The following RIC3 variants were observed in gnomAD, a reference collection of about 807,000 sequenced individuals.
The protein encoded by RIC3 is RIC3 acetylcholine receptor chaperone.
In RIC3, 28 loss-of-function variants were observed where a neutral mutation model predicts 27.3. The observed-to-expected ratio is 1.02, with a 90% CI of 0.76 to 1.41. The LOEUF (loss-of-function observed/expected upper bound fraction) is 1.41, where lower values mean the gene tolerates loss of function less well. Ranked by LOEUF, RIC3 falls within the 40% of genes most tolerant of loss-of-function variation. The pLI, the probability that RIC3 is intolerant of heterozygous loss-of-function variation, is 0.00. For missense variants in RIC3, 501 were observed against 444.7 expected (o/e 1.13, Z -1.14); for synonymous variants, 184 against 160.4 (o/e 1.15, Z -1.11).
chr11:8,159,994 A>C (rs1040562479), intron 1 of RIC3, among the ~76,000 whole-genome samples: 3 of 152,118 alleles, frequency 2.0e-5, no homozygotes, highest in African/African-American at 7.2e-5. Context: ...AAAAGAGAAA[A>C]CATGCTGATC....
At chr11:8,093,507 C>T in the RIC3 span, among the ~76,000 whole-genome samples, 2 of 152,252 alleles carry the variant, frequency 1.3e-5, no homozygotes, top group East Asian at 3.9e-4. Flanking sequence ...AGCTGGGACC[C>T]TTCTGAGACC....
chr11:8,115,633 C>T (rs956048396), intron 5 of RIC3, among the ~76,000 whole-genome samples: 3 of 152,090 alleles, frequency 2.0e-5, no homozygotes, highest in Non-Finnish European at 4.4e-5. Context: ...CATGGTGAAA[C>T]TCCACCTCTA....
rs560278328 is a variant in RIC3 at position 8,133,314 on chromosome 11, T to C, written c.521+4064A>G. On this transcript the variant is annotated intron_variant, in intron 4 of 5. Coordinates refer to ENST00000309737, the MANE Select transcript of RIC3 (RefSeq NM_001206671.4). ...TCTGTTCTTTATAAATTACCCAGTCTGTGGTATTCAGTTATACCAACAGAA... is the reference window on the plus strand; with the variant it reads ...TCTGTTCTTTATAAATTACCCAGTCCGTGGTATTCAGTTATACCAACAGAA... Among the ~76,000 whole-genome samples, 4 of 152,334 alleles carry C rather than the reference T, an allele frequency of 2.6e-5. No individual in the cohort carries two copies. The South Asian group carries it at 8.3e-4, about 32-fold the overall frequency.
chr11:8,138,218 ATAAAAC>A, intron 3 of RIC3, 48 bp downstream of exon 3: 1 of 1,272,602 alleles, frequency 7.9e-7, no homozygotes, highest in Non-Finnish European at 1.1e-6. Context: ...CCCTGTGGCT[ATAAAAC>A]TGTTTGACTC....
At chr11:8,168,760 G>A (rs1385127449) in intron 1 of RIC3, 106 bp downstream of exon 1, 2 of 1,450,222 alleles carry the variant, frequency 1.4e-6, no homozygotes, top group East Asian at 5.0e-5. Context: ...CAGTTTGGTG[G>A]ATATTTCGGT....
intron 1 of RIC3, among the ~76,000 whole-genome samples, chr11:8,141,597 C>T (rs564204914): frequency 1.3e-4 from 20 of 151,316 alleles, no homozygotes; most frequent in African/African-American, 4.8e-4. Context: ...TAACACCCCA[C>T]TGTCAACATT....
chr11:8,144,449 T>G (rs947893031), intron 1 of RIC3, among the ~76,000 whole-genome samples: 17 of 147,910 alleles, frequency 1.1e-4, no homozygotes, highest in South Asian at 2.3e-4. Context: ...TCACTGGCCA[T>G]CAGAGAAATG....
the RIC3 span, chr11:8,095,681 A>G: frequency 1 from 1,575,755 of 1,576,630 alleles, 787,445 homozygotes; most frequent in East Asian, 1. Context: ...CCCCATGGGG[A>G]CCCAGTGATA....
At chr11:8,161,903 G>GGCAGCCAGAGTAC (rs1565133397) in intron 1 of RIC3, among the ~76,000 whole-genome samples, 13 of 144,382 alleles carry the variant, frequency 9.0e-5, no homozygotes, top group Admixed American at 7.8e-4. Flanking sequence ...TGCTATAAAT[G>GGCAGCCAGAGTAC]AGACACTCAC....
Position 8,131,107 on chromosome 11 carries a change from T to TTCACTCAC in RIC3, c.522-4308_522-4301dup, listed in dbSNP as rs3060959. On this transcript the variant is annotated intron_variant, in intron 4 of 5. Transcript: ENST00000309737. ...TGTATCAAAAATAGGCATTCATTCA[T>TTCACTCAC]TCACTCACTCACTCACTCACTCACT... Among the ~76,000 whole-genome samples, 997 of 149,520 alleles carry TTCACTCAC rather than the reference T, an allele frequency of 6.7e-3. 21 individuals carry two copies. The highest frequency in any genetic ancestry group is 0.045 in the Admixed American group (676 of 15,080).
At chr11:8,126,939 T>A in intron 4 of RIC3, 132 bp from the exon 5 acceptor site, 1 of 1,014,836 alleles carries the variant, frequency 9.9e-7, no homozygotes, top group East Asian at 2.5e-5. Context: ...TAGGAATTGA[T>A]CCTCCAACTG....
chr11:8,136,914 T>C (rs1359121770), intron 4 of RIC3, among the ~76,000 whole-genome samples: 2 of 152,202 alleles, frequency 1.3e-5, no homozygotes, highest in Non-Finnish European at 2.9e-5. Flanking sequence ...ATGAAAAATG[T>C]TAAATGATAA....
downstream of RIC3, chr11:8,101,855 T>TGATAC: frequency 6.3e-6 from 3 of 475,826 alleles, no homozygotes; most frequent in South Asian, 3.6e-5. Flanking sequence ...ATTCTTTCCA[T>TGATAC]GCCACGAGAT....
rs1460204942 is a variant in RIC3, at chr11:8,111,170, G to T, written c.671-33C>A. 18 of 1,396,628 alleles carry T rather than the reference G, an allele frequency of 1.3e-5. No individual in the cohort carries two copies. In the African/African-American group the frequency reaches 1.6e-4, roughly 13 times the overall value. The allele number at this position is 1,396,628 out of a possible 1,614,324, so 86.5% of individuals were successfully genotyped here. On this transcript the variant is annotated intron_variant, in intron 5 of 5. Coordinates refer to ENST00000309737, the MANE Select transcript of RIC3 (RefSeq NM_001206671.4). ...GAAAAGTAGCACAAAGTATTACAAA[G>T]AATGTCTCCTCAAAAAAAAAAAAAA... is the stretch of plus-strand genomic sequence containing the variant.
intron 1 of RIC3, among the ~76,000 whole-genome samples, chr11:8,152,844 C>G (rs1374889896): frequency 6.6e-6 from 1 of 151,998 alleles, no homozygotes; most frequent in Non-Finnish European, 1.5e-5. Flanking sequence ...CTGAATACCT[C>G]AGGATAGAAA....
rs755657349 is a variant in RIC3 at position 8,140,159 on chromosome 11, A to G, written c.159T>C (p.His53=). ...TCTGGCCATCTGAGGGTGCCTGGTG[A>G]TGATGCATCATAGGTGGAAATCGGC... ...KLGRFPPMMH[H]HQAPSDGQTP... Residue 53 remains histidine, a synonymous_variant, in exon 2 of 6, where the codon CAT becomes CAC. Transcript: ENST00000309737. 55 of 1,613,884 alleles carry G rather than the reference A, an allele frequency of 3.4e-5. No individual in the cohort carries two copies. The highest frequency in any genetic ancestry group is 4.4e-5 in the Non-Finnish European group (52 of 1,180,008).
chr11:8,097,657 T>C, the RIC3 span: 3,665 of 1,487,136 alleles, frequency 2.5e-3, 8 homozygotes, highest in Middle Eastern at 5.2e-3. Context: ...GTGGCTCTCA[T>C]GACTGTGTGC....
chr11:8,135,596 T>C (rs1948302629), intron 4 of RIC3: 1 of 152,142 alleles, frequency 6.6e-6, no homozygotes, highest in African/African-American at 2.4e-5. Flanking sequence ...TTCACGATAT[T>C]GATTCTTCCT....
intron 1 of RIC3, among the ~76,000 whole-genome samples, chr11:8,158,218 G>A (rs1280906374): frequency 6.6e-6 from 1 of 152,114 alleles, no homozygotes; most frequent in Non-Finnish European, 1.5e-5. Context: ...ACATCTCAGA[G>A]AGATTAAGAC....
Sources: allele counts gnomAD v4.1 joint callset (sites outside exome capture counted in the v4.1 genomes callset), GRCh38; gene constraint gnomAD v4.1.1; transcripts MANE v1.5; gene names NCBI Gene and HGNC (gene_info 2026-07-23, HGNC 2026-07-21).